Variants in BLM observed in about 807,000 individuals in gnomAD.
BLM encodes recQ-like DNA helicase BLM.
BLM carries 95 observed loss-of-function variants against 135.3 expected under a neutral mutation model. The ratio of observed to expected loss-of-function variants is 0.70; its 90% CI spans 0.59 to 0.83. The LOEUF is 0.83. Ranked by LOEUF, BLM falls within the 40% of genes least tolerant of loss-of-function variation. BLM has a pLI of 0.00. For missense variants in BLM, 1,518 were observed against 1,663.9 expected, an observed-to-expected ratio of 0.91 and a Z score of 1.53; for synonymous variants, 520 against 589.2, an observed-to-expected ratio of 0.88 and a Z score of 1.70.
intron 21 of BLM, among the ~76,000 whole-genome samples, 179 bp from the exon 22 acceptor site, chr15:90,814,923 T>G (rs139852554): frequency 2.6e-5 from 4 of 152,112 alleles, no homozygotes; most frequent in African/African-American, 9.6e-5. Context: ...AGGGCCGCGG[T>G]CCTTTATTCC....
intron 1 of BLM, among the ~76,000 whole-genome samples, chr15:90,734,753 A>G (rs1895166383): frequency 6.6e-6 from 1 of 150,626 alleles, no homozygotes; most frequent in South Asian, 2.1e-4. Context: ...TAAATCCTGT[A>G]TTTTATCTAA....
chr15:90,751,974 T>C, intron 4 of BLM, 28 bp downstream of exon 4: 1 of 1,562,118 alleles, frequency 6.4e-7, no homozygotes, highest in South Asian at 1.1e-5. Flanking sequence ...TTAGCATTAT[T>C]ATTTGTTTCT....
chr15:90,752,338 G>C (rs377396034), intron 4 of BLM, among the ~76,000 whole-genome samples: 1 of 152,054 alleles, frequency 6.6e-6, no homozygotes, highest in South Asian at 2.1e-4. Flanking sequence ...ACCATGCCTG[G>C]CTAATTTTTT....
chr15:90,759,992 G>A (rs1426590334), intron 5 of BLM, 155 bp from the exon 6 acceptor site: 2 of 538,210 alleles, frequency 3.7e-6, no homozygotes, highest in Non-Finnish European at 6.5e-6. Context: ...GTCTCACTGT[G>A]TTGCCCAGGC....
intron 1 of BLM, among the ~76,000 whole-genome samples, chr15:90,746,095 A>T (rs1895495255): frequency 6.6e-6 from 1 of 152,176 alleles, no homozygotes; most frequent in African/African-American, 2.4e-5. Context: ...AAACAAACAA[A>T]CAAAAAGTAT....
At chr15:90,761,318 T>C in intron 7 of BLM, 63 bp downstream of exon 7, 1 of 1,224,020 alleles carries the variant, frequency 8.2e-7, no homozygotes, top group Non-Finnish European at 1.1e-6. Flanking sequence ...AGGAATTATA[T>C]AAGAAAAACC....
rs2029910242 is a variant in BLM, at chr15:90,815,968, C to G, written c.*689C>G. 6.6e-6 allele frequency: 1 copy of G among 151,870 alleles called. No individual in the cohort carries two copies. The highest frequency in any genetic ancestry group is 1.5e-5 in the Non-Finnish European group (1 of 68,142). The allele number at this position is 151,870 out of a possible 1,614,324, so 9.4% of individuals were successfully genotyped here. A position where few individuals can be genotyped will look rare whatever the true frequency, so the allele number is the denominator to read the frequency against. Reference sequence around the variant, plus strand: ...TGTACAGGCACGCCTGTAGTCCCAGCTACTCAGGAGGCTGAGGCAAGAGAA... The same window carrying G: ...TGTACAGGCACGCCTGTAGTCCCAGGTACTCAGGAGGCTGAGGCAAGAGAA... On this transcript the variant is annotated 3_prime_UTR_variant, in exon 22 of 22. Transcript: ENST00000355112. The surrounding 1 kb of genome is among the most constrained non-coding windows in gnomAD (Gnocchi z 4.6).
At chr15:90,793,628 A>G (rs1382597167) in intron 15 of BLM, among the ~76,000 whole-genome samples, 4 of 152,238 alleles carry the variant, frequency 2.6e-5, no homozygotes, top group African/African-American at 9.6e-5. Flanking sequence ...ATAGGAATGT[A>G]GCACAATCTA....
chr15:90,734,696 CAGAGAG>C (rs60051515), intron 1 of BLM, among the ~76,000 whole-genome samples: 47,672 of 145,982 alleles, frequency 0.33, 8,271 homozygotes, highest in East Asian at 0.54. Context: ...CACACACACG[CAGAGAG>C]AGAGAGAGAG....
intron 1 of BLM, among the ~76,000 whole-genome samples, chr15:90,745,211 T>G (rs925812281): frequency 6.6e-6 from 1 of 152,044 alleles, no homozygotes; most frequent in African/African-American, 2.4e-5. Flanking sequence ...CTGAAAAGAC[T>G]CCCACTGGCC....
chr15:90,737,805 A>C (rs968885173), intron 1 of BLM, among the ~76,000 whole-genome samples: 1 of 152,186 alleles, frequency 6.6e-6, no homozygotes, highest in African/African-American at 2.4e-5. Context: ...AGAAACAAGG[A>C]AATAATAAAT....
rs1895130274 is a variant in BLM, at chr15:90,733,841, A to G, written c.-4-13548A>G. Reference sequence around the variant, plus strand: ...CCACTTATCTGGTTTCTGTCACTGTAGAATAATTAGCATGTTCTAGGACTT... The same window carrying G: ...CCACTTATCTGGTTTCTGTCACTGTGGAATAATTAGCATGTTCTAGGACTT... On this transcript the variant is annotated intron_variant, in intron 1 of 21. Coordinates refer to ENST00000355112, the MANE Select transcript of BLM (RefSeq NM_000057.4). Among the ~76,000 whole-genome samples the G allele has an allele frequency of 5.3e-5, 8 of 152,204 alleles. No individual in the cohort carries two copies. The South Asian group carries it at 6.2e-4, about 12-fold the overall frequency.
chr15:90,751,610 A>G (rs1895685091), intron 3 of BLM, among the ~76,000 whole-genome samples, 177 bp from the exon 4 acceptor site: 1 of 152,242 alleles, frequency 6.6e-6, no homozygotes, highest in African/African-American at 2.4e-5. Context: ...ACTTGACTCA[A>G]TAGTAATCAT....
At chr15:90,750,168 A>G (rs973859761) in intron 3 of BLM, 101 bp downstream of exon 3, 1 of 1,298,524 alleles carries the variant, frequency 7.7e-7, no homozygotes, top group Non-Finnish European at 1.1e-6. Context: ...TTTGTCCTTA[A>G]GGTTGTTAGG....
At position 90,749,767 on chromosome 15, in the gene BLM, A is replaced by G. The variant is rs775285496; in HGVS notation, c.499A>G (p.Lys167Glu). The part of the protein sequence containing the change: ...MDDFDTSETS[K>E]SFVTPPQSHF... ...TGACTTTGATACTTCTGAGACTTCA[A>G]AATCATTTGTTACACCACCCCAAAG... The change falls in exon 3 of 22, where the codon AAA becomes GAA. Residue 167 changes from lysine (K) to glutamate (E), a missense_variant. Lys to Glu is a moderately conservative substitution (Grantham distance 56, BLOSUM62 1). This residue lies in a region of BLM where 724 missense variants were observed against 756.9 expected (regional missense o/e 0.96). Coordinates refer to ENST00000355112, the MANE Select transcript of BLM (RefSeq NM_000057.4). 6 of 1,613,224 alleles carry G rather than the reference A, an allele frequency of 3.7e-6. No homozygotes were observed. The highest frequency in any genetic ancestry group is 1.7e-4 in the Middle Eastern group (1 of 6,052).
intron 21 of BLM, among the ~76,000 whole-genome samples, chr15:90,812,256 G>T (rs955132745): frequency 6.6e-6 from 1 of 152,020 alleles, no homozygotes; most frequent in African/African-American, 2.4e-5. Context: ...CCTTTGCAGG[G>T]GTAGCAAGAA....
chr15:90,807,468 C>G (rs1480321962), intron 19 of BLM, among the ~76,000 whole-genome samples: 2 of 152,132 alleles, frequency 1.3e-5, no homozygotes, highest in Admixed American at 1.3e-4. Flanking sequence ...TGGTTGAACA[C>G]AGCTCACTGC....
chr15:90,720,820 G>C (rs899059010), intron 1 of BLM, among the ~76,000 whole-genome samples: 18 of 152,016 alleles, frequency 1.2e-4, no homozygotes, highest in African/African-American at 4.4e-4. Context: ...TCTCGAACTC[G>C]TAGGCTCAAG....
intron 1 of BLM, among the ~76,000 whole-genome samples, chr15:90,736,219 G>A (rs1267322855): frequency 2.0e-5 from 3 of 152,112 alleles, no homozygotes; most frequent in Admixed American, 6.6e-5. Context: ...CTTTGACCCA[G>A]CCATTCCACT....
Sources: allele counts gnomAD v4.1 joint callset (sites outside exome capture counted in the v4.1 genomes callset), GRCh38; gene constraint gnomAD v4.1.1; regional missense constraint gnomAD v4.1.1; non-coding constraint Gnocchi (gnomAD v3.1); transcripts MANE v1.5; gene names NCBI Gene and HGNC (gene_info 2026-07-23, HGNC 2026-07-21).